The following MGAM2 variants were observed in gnomAD, a reference collection of about 807,000 sequenced individuals.
MGAM2 encodes the protein maltase-glucoamylase 2 (putative), also known as probable maltase-glucoamylase 2.
MGAM2 carries 98 observed loss-of-function variants against 96.1 expected under a neutral mutation model. The ratio of observed to expected loss-of-function variants is 1.02; its 90% CI spans 0.87 to 1.21. The LOEUF (loss-of-function observed/expected upper bound fraction) is 1.21. Ranked by LOEUF, MGAM2 falls within the 50% of genes most tolerant of loss-of-function variation. The pLI is 0.00. For synonymous variants in MGAM2, 749 were observed against 414.8 expected (o/e 1.81, Z -9.79); for missense variants, 2,055 against 1,182.4 (o/e 1.74, Z -10.82).
chr7:142,219,125 T>C (rs1797849687), intron 47 of MGAM2, among the ~76,000 whole-genome samples: 2 of 152,182 alleles, frequency 1.3e-5, no homozygotes, highest in East Asian at 1.9e-4. Context: ...GAAATACCAA[T>C]AGTTACCAAA....
chr7:142,221,053 C>T lies in MGAM2; in HGVS notation c.6542C>T (p.Thr2181Ile). Reference sequence around the variant, plus strand: ...GTTCCTAATAATACTGTTCCAGTTACAGCTATTCCTTCTCTTGCAAATACT... The same window carrying T: ...GTTCCTAATAATACTGTTCCAGTTATAGCTATTCCTTCTCTTGCAAATACT... ...DTVPNNTVPV[T>I]AIPSLANTGV... The change falls in exon 48 of 48, where the codon ACA (threonine) becomes ATA (isoleucine). Residue 2181 changes from threonine to isoleucine, a missense_variant. Physicochemically the swap from Thr to Ile is moderately conservative, Grantham distance 89. Coordinates refer to ENST00000477922, the MANE Select transcript of MGAM2 (RefSeq NM_001293626.2). 1 of 702,490 alleles carries T rather than the reference C, an allele frequency of 1.4e-6. No individual in the cohort carries two copies. The highest frequency in any genetic ancestry group is 2.6e-6 in the Non-Finnish European group (1 of 384,740). 43.5% of individuals were successfully genotyped at this position (702,490 alleles called of 1,614,324 possible).
intron 9 of MGAM2, 110 bp downstream of exon 9, chr7:142,137,655 T>G: frequency 4.3e-6 from 2 of 465,590 alleles, no homozygotes; most frequent in Middle Eastern, 1.1e-3. Context: ...GGATTATAAA[T>G]GCTGGGATAG....
chr7:142,198,232 C>A, intron 43 of MGAM2, 37 bp downstream of exon 43: 1 of 700,616 alleles, frequency 1.4e-6, no homozygotes, highest in South Asian at 1.5e-5. Flanking sequence ...CCAGTTTGGT[C>A]TATGCAGGGT....
At chr7:142,170,835 G>C (rs144674646) in intron 27 of MGAM2, among the ~76,000 whole-genome samples, 16 of 152,294 alleles carry the variant, frequency 1.1e-4, no homozygotes, top group Middle Eastern at 3.4e-3. Context: ...CTCTTGGGCT[G>C]TGTGAGTGAT....
In MGAM2 at chr7:142,208,363, C is replaced by G. The variant is rs1409530272; in HGVS notation, c.5138-210C>G. The G allele has an allele frequency of 6.1e-6, 4 of 651,656 alleles. No homozygotes were observed. In the Admixed American group the frequency reaches 6.3e-5, roughly 10 times the overall value. The allele number at this position is 651,656 out of a possible 1,614,324, so 40.4% of individuals were successfully genotyped here. ...TTGCATTTGTAACCTTCTGACCTCC[C>G]CGGCAAGGTACCCATTTGCATTTGC... On this transcript the variant is annotated intron_variant, in intron 45 of 47. Transcript: ENST00000477922.
chr7:142,222,100 C>T lies in MGAM2; in HGVS notation c.*41C>T, dbSNP rs113533415. The T allele has an allele frequency of 0.01, 4,068 of 397,828 alleles. 117 individuals are homozygous for T. The highest frequency in any genetic ancestry group is 0.065 in the African/African-American group (3,172 of 48,682). The allele number at this position is 397,828 out of a possible 1,614,324, so 24.6% of individuals were successfully genotyped here. ...GGATAGTTACCTCAGATAACGCCTA[C>T]AAACAACTATTACAGATATAGAAAA... is the stretch of plus-strand genomic sequence containing the variant. On this transcript the variant is annotated 3_prime_UTR_variant, in exon 48 of 48. Transcript: ENST00000477922.
chr7:142,164,015 A>G (rs148181813), intron 23 of MGAM2, among the ~76,000 whole-genome samples: 1 of 152,298 alleles, frequency 6.6e-6, no homozygotes, highest in East Asian at 1.9e-4. Context: ...AAAAAAATAT[A>G]GTCTTACCTT....
intron 43 of MGAM2, 144 bp downstream of exon 43, chr7:142,198,339 A>G (rs981926146): frequency 1.6e-6 from 1 of 607,698 alleles, no homozygotes. Context: ...AAATGAAAGC[A>G]TGTATAAGAG....
chr7:142,116,478 G>A (rs1817406359), intron 1 of MGAM2, among the ~76,000 whole-genome samples: 1 of 152,204 alleles, frequency 6.6e-6, no homozygotes, highest in Non-Finnish European at 1.5e-5. Context: ...CTCTCTCCCT[G>A]AGCATACCTT....
At chr7:142,151,246 G>C (rs1306959480) in intron 15 of MGAM2, among the ~76,000 whole-genome samples, 5 of 152,150 alleles carry the variant, frequency 3.3e-5, no homozygotes, top group Non-Finnish European at 5.9e-5. Context: ...CCAGCACCTA[G>C]GGGACCTGAT....
rs141063595 is a variant in MGAM2 at position 142,122,137 on chromosome 7, C to T, written c.186+1756C>T. ...GTTTACAATAATACTCATTACCTCC[C>T]ACTTAAATTTCACCATTAATATTTT... On this transcript the variant is annotated intron_variant, in intron 3 of 47. Coordinates refer to ENST00000477922, the MANE Select transcript of MGAM2 (RefSeq NM_001293626.2). Among the ~76,000 whole-genome samples the T allele has an allele frequency of 3.1e-3, 474 of 152,180 alleles. 2 individuals carry two copies. The highest frequency in any genetic ancestry group is 0.011 in the African/African-American group (450 of 41,522).
chr7:142,132,566 T>C lies in MGAM2; in HGVS notation c.575+481T>C, dbSNP rs1196868991. 1.7e-4 allele frequency among the ~76,000 whole-genome samples: 22 copies of C among 131,122 alleles called. No individual in the cohort carries two copies. In the East Asian group the frequency reaches 4.0e-3, roughly 24 times the overall value. The allele number at this position is 131,122 out of a possible 152,430, so 86.0% of individuals were successfully genotyped here. On this transcript the variant is annotated intron_variant, in intron 6 of 47. Coordinates refer to ENST00000477922, the MANE Select transcript of MGAM2 (RefSeq NM_001293626.2). ...ATATAATTTAATTATACATTCCATA[T>C]ACTTTATATAATTTAATCAACTATA...
chr7:142,174,713 C>CTTTTTTTTTTTTTTTTTTTTTTTTTTTT (rs1410980226), intron 31 of MGAM2, among the ~76,000 whole-genome samples: 1 of 78,262 alleles, frequency 1.3e-5, no homozygotes, highest in African/African-American at 7.6e-5. Context: ...CTCTCTCTCT[C>CTTTTTTTTTTTTTTTTTTTTTTTTTTTT]TCTTTTTTTT....
intron 15 of MGAM2, among the ~76,000 whole-genome samples, chr7:142,152,554 C>T (rs1795611624): frequency 6.6e-6 from 1 of 152,126 alleles, no homozygotes; most frequent in Admixed American, 6.5e-5. Context: ...CCAAACTTCC[C>T]AGGAAAATGA....
intron 46 of MGAM2, among the ~76,000 whole-genome samples, chr7:142,210,484 A>G (rs1458483273): frequency 6.6e-6 from 1 of 152,132 alleles, no homozygotes; most frequent in African/African-American, 2.4e-5. Context: ...TTGACGTGGG[A>G]AGCTCGAGTT....
intron 3 of MGAM2, among the ~76,000 whole-genome samples, chr7:142,130,651 C>A (rs1243779258): frequency 6.6e-6 from 1 of 152,194 alleles, no homozygotes; most frequent in East Asian, 1.9e-4. Flanking sequence ...GCCCTCATAT[C>A]ATCATACTGT....
At position 142,164,895 on chromosome 7, in the gene MGAM2, G is replaced by A; in HGVS notation, c.2524G>A (p.Asp842Asn). 2.9e-6 allele frequency: 2 copies of A among 701,630 alleles called. No homozygotes were observed. The highest frequency in any genetic ancestry group is 1.5e-5 in the South Asian group (1 of 67,300). 43.5% of individuals were successfully genotyped at this position (701,630 alleles called of 1,614,324 possible). The stretch of plus-strand genomic sequence containing the variant: ...AAAGATTATAAATAATAATTATATG[G>A]ACACTGACAACCTCATGTTCACAGA... ...QAKIINNNYM[D>N]TDNLMFTDIT... Residue 842 changes from aspartate (D) to asparagine (N), a missense_variant, in exon 24 of 48, where the codon GAC becomes AAC. Asp to Asn is a conservative substitution (Grantham distance 23, BLOSUM62 1). Coordinates refer to ENST00000477922, the MANE Select transcript of MGAM2 (RefSeq NM_001293626.2).
chr7:142,166,097 G>C lies in MGAM2; in HGVS notation c.2653-1G>C. 1 of 690,590 alleles carries C rather than the reference G, an allele frequency of 1.4e-6. No individual in the cohort carries two copies. Among genetic ancestry groups the C allele is most frequent in the Non-Finnish European group, 2.6e-6 (1 of 379,146 alleles). 42.8% of individuals were successfully genotyped at this position (690,590 alleles called of 1,614,324 possible). A position where few individuals can be genotyped will look rare whatever the true frequency, so the allele number is the denominator to read the frequency against. On this transcript the variant is annotated splice_acceptor_variant, in intron 24 of 47. Coordinates refer to ENST00000477922, the MANE Select transcript of MGAM2 (RefSeq NM_001293626.2). LOFTEE classifies it high-confidence loss of function. ...GTCACTGTGACTGTCTCTTTCCCCA[G>C]GTGGTAACCATCACTGATCTCCAAG... is the stretch of plus-strand genomic sequence containing the variant.
At chr7:142,200,694 A>G (rs1208311382) in intron 45 of MGAM2, among the ~76,000 whole-genome samples, 1 of 152,184 alleles carries the variant, frequency 6.6e-6, no homozygotes, top group African/African-American at 2.4e-5. Flanking sequence ...ATTTTTCACT[A>G]CTAATATTTC....
Sources: gnomAD v4.1 joint callset for allele counts (sites outside exome capture counted in the v4.1 genomes callset) on GRCh38, gnomAD v4.1.1 for gene constraint, MANE v1.5 for transcripts, NCBI Gene and HGNC (gene_info 2026-07-23, HGNC 2026-07-21) for gene names.